The following KLHL13 variants were observed in gnomAD, a reference collection of about 807,000 sequenced individuals.
KLHL13 encodes the protein kelch-like protein 13.
KLHL13 carries 10 observed loss-of-function variants against 37.1 expected under a neutral mutation model. The observed-to-expected ratio is 0.27, with a 90% CI of 0.17 to 0.46. The LOEUF is 0.46. KLHL13 is among the 20% of genes least tolerant of loss of function. The pLI, the probability that KLHL13 is intolerant of heterozygous loss-of-function variation, is 1.00. For synonymous variants in KLHL13, 163 were observed against 181.2 expected, an observed-to-expected ratio of 0.90 and a Z score of 0.81; for missense variants, 360 against 509.3, an observed-to-expected ratio of 0.71 and a Z score of 2.82.
intron 1 of KLHL13, among the ~76,000 whole-genome samples, chrX:118,108,177 C>T (rs958419880): frequency 2.7e-5 from 3 of 112,082 alleles, no homozygotes; most frequent in African/African-American, 9.7e-5. Flanking sequence ...AAACTACAAG[C>T]AAAACTCTTA....
intron 1 of KLHL13, among the ~76,000 whole-genome samples, chrX:118,085,447 C>T (rs1444852204): frequency 9.1e-6 from 1 of 110,045 alleles, no homozygotes. Flanking sequence ...ATATATATTT[C>T]AATAGTTTGG....
chrX:118,116,810 T>TG (rs1366272876), upstream of KLHL13: 3 of 68,946 alleles, frequency 4.4e-5, no homozygotes, highest in African/African-American at 1.1e-4. Flanking sequence ...CACCAGGGTG[T>TG]GGGGGGGCTG....
chrX:118,063,132 C>A (rs1270110150), intron 1 of KLHL13, among the ~76,000 whole-genome samples: 1 of 111,068 alleles, frequency 9.0e-6, no homozygotes, highest in Non-Finnish European at 1.9e-5. Context: ...GAATTTCAAT[C>A]GTGAAAGACT....
chrX:117,961,649 T>C (rs1267386693), intron 1 of KLHL13, among the ~76,000 whole-genome samples: 1 of 111,107 alleles, frequency 9.0e-6, no homozygotes, highest in Non-Finnish European at 1.9e-5. Context: ...CAGAAGGCAA[T>C]GTGAAAAGGA....
intron 1 of KLHL13, 40 bp from the exon 3 acceptor site, chrX:117,945,615 A>T: frequency 9.0e-7 from 1 of 1,107,010 alleles, no homozygotes; most frequent in South Asian, 2.0e-5. Flanking sequence ...GGAAATTAAA[A>T]CTTGTACAAT....
At chrX:117,985,254 T>C in intron 1 of KLHL13, 1 of 1,144,431 alleles carries the variant, frequency 8.7e-7, no homozygotes, top group Non-Finnish European at 1.2e-6. Flanking sequence ...AAGCCCATTT[T>C]TCTCTTAAGG....
chrX:118,052,356 A>G (rs2148074468), intron 1 of KLHL13, among the ~76,000 whole-genome samples: 1 of 106,614 alleles, frequency 9.4e-6, no homozygotes, highest in African/African-American at 3.4e-5. Context: ...TACTAAAAAA[A>G]AAAAAAAATA....
chrX:118,078,183 A>G (rs1215651339), intron 1 of KLHL13, among the ~76,000 whole-genome samples: 1 of 112,015 alleles, frequency 8.9e-6, no homozygotes, highest in African/African-American at 3.2e-5. Flanking sequence ...TGGCAAGTTC[A>G]TATTTCATAA....
chrX:118,033,489 T>G (rs2054388684), intron 1 of KLHL13, among the ~76,000 whole-genome samples: 1 of 110,062 alleles, frequency 9.1e-6, no homozygotes, highest in African/African-American at 3.3e-5. Flanking sequence ...CCGGCCAAAC[T>G]AAGCTTCATA....
intron 1 of KLHL13, among the ~76,000 whole-genome samples, chrX:118,106,969 CA>C (rs1339261785): frequency 1.8e-5 from 2 of 111,887 alleles, no homozygotes; most frequent in African/African-American, 6.5e-5. Flanking sequence ...ACATTATTCA[CA>C]ACAGAATTAT....
chrX:118,033,854 T>C (rs2054395729), intron 1 of KLHL13, among the ~76,000 whole-genome samples: 2 of 107,036 alleles, frequency 1.9e-5, no homozygotes, highest in South Asian at 8.7e-4. Context: ...CCATCTCACG[T>C]GCAGAGACAC....
chrX:118,036,677 G>A (rs1461147037), intron 1 of KLHL13, among the ~76,000 whole-genome samples: 1 of 111,161 alleles, frequency 9.0e-6, no homozygotes, highest in East Asian at 2.8e-4. Flanking sequence ...CAGGACATAG[G>A]CATGGGCAAG....
At chrX:117,963,381 A>G (rs902772159) in intron 1 of KLHL13, among the ~76,000 whole-genome samples, 1 of 112,209 alleles carries the variant, frequency 8.9e-6, no homozygotes, top group Admixed American at 9.4e-5. Context: ...CTTGTGTGCT[A>G]TAAAGCACAC....
intron 2 of KLHL13, among the ~76,000 whole-genome samples, chrX:117,930,313 GC>G (rs1343135366): frequency 9.3e-6 from 1 of 106,970 alleles, no homozygotes; most frequent in Non-Finnish European, 1.9e-5. Flanking sequence ...AGGCAGGCAG[GC>G]AGGCAGGAAG....
intron 1 of KLHL13, among the ~76,000 whole-genome samples, chrX:118,032,900 G>A (rs1475112231): frequency 9.0e-6 from 1 of 111,607 alleles, no homozygotes; most frequent in Non-Finnish European, 1.9e-5. Flanking sequence ...GCTTAAAGGA[G>A]CTGATGGAGC....
At chrX:118,108,495 G>T (rs1193261318) in intron 1 of KLHL13, among the ~76,000 whole-genome samples, 1 of 112,283 alleles carries the variant, frequency 8.9e-6, no homozygotes, top group African/African-American at 3.2e-5. Flanking sequence ...CGTTGTAACA[G>T]GCATTCCTCC....
In KLHL13 at chrX:118,091,286, G is replaced by T. The variant is rs189668128; in HGVS notation, c.-56+25222C>A. ...TAAAACTTAAAGTATAATAAAAAAA[G>T]TATCAATAGATGTTGACAGCAAGAT... On this transcript the variant is annotated intron_variant, in intron 1 of 6. Coordinates refer to the KLHL13 transcript ENST00000371882. Among the ~76,000 whole-genome samples the T allele has an allele frequency of 6.9e-3, 769 of 111,238 alleles. 8 individuals carry two copies. Among genetic ancestry groups the T allele is most frequent in the African/African-American group, 0.022 (663 of 30,668 alleles).
At chrX:118,022,640 T>A (rs778729908) in intron 1 of KLHL13, among the ~76,000 whole-genome samples, 17 of 112,414 alleles carry the variant, frequency 1.5e-4, no homozygotes, top group African/African-American at 5.5e-4. Flanking sequence ...TATTATTTTT[T>A]AAAATATATC....
chrX:117,973,354 G>A lies in KLHL13; in HGVS notation c.-526C>T, dbSNP rs1409110933. 3 of 971,927 alleles carry A rather than the reference G, an allele frequency of 3.1e-6. No individual in the cohort carries two copies. The East Asian group carries it at 2.3e-4, about 73-fold the overall frequency. The allele number at this position is 971,927 out of a possible 1,213,427, so 80.1% of individuals were successfully genotyped here. A position where few individuals can be genotyped will look rare whatever the true frequency, so the allele number is the denominator to read the frequency against. ...CATCCTCTGAACAATCTTCTTTTGAGCTGCAACAATACAAATGGGATATAA... is the reference window on the plus strand; with the variant it reads ...CATCCTCTGAACAATCTTCTTTTGAACTGCAACAATACAAATGGGATATAA... On this transcript the variant is annotated 5_prime_UTR_variant, in exon 1 of 7. Transcript: ENST00000262820.
Sources: allele counts gnomAD v4.1 joint callset (sites outside exome capture counted in the v4.1 genomes callset), GRCh38; gene constraint gnomAD v4.1.1; transcripts MANE v1.5; gene names NCBI Gene and HGNC (gene_info 2026-07-23, HGNC 2026-07-21).